CRTC1: variants seen among roughly 807,000 people sequenced by gnomAD.
CRTC1 encodes CREB regulated transcription coactivator 1, also known as CREB-regulated transcription coactivator 1.
A neutral mutation model predicts 66.1 loss-of-function variants in CRTC1; 18 were observed. The ratio of observed to expected loss-of-function variants is 0.27; its 90% CI spans 0.19 to 0.40. The LOEUF is 0.40. Ranked by LOEUF, CRTC1 falls within the 10% of genes least tolerant of loss-of-function variation. The pLI is 1.00. For synonymous variants in CRTC1, 416 were observed against 398.8 expected (o/e 1.04, Z -0.51); for missense variants, 669 against 887.9 (o/e 0.75, Z 3.13).
chr19:18,693,556 A>G (rs1266885636), intron 1 of CRTC1, among the ~76,000 whole-genome samples: 1 of 142,540 alleles, frequency 7.0e-6, no homozygotes, highest in Non-Finnish European at 1.5e-5. Flanking sequence ...ATCTCAGCTC[A>G]CTGCAAGCTC....
At chr19:18,739,494 G>A (rs914448415) in intron 1 of CRTC1, among the ~76,000 whole-genome samples, 6 of 152,336 alleles carry the variant, frequency 3.9e-5, no homozygotes, top group East Asian at 1.9e-4. Flanking sequence ...GTGCAGCAGC[G>A]TCCATTCATT....
intron 8 of CRTC1, among the ~76,000 whole-genome samples, chr19:18,763,930 A>G (rs773721630): frequency 6.6e-6 from 1 of 152,144 alleles, no homozygotes; most frequent in Non-Finnish European, 1.5e-5. Flanking sequence ...GTGTGCTCTG[A>G]GCAGGCTTCC....
chr19:18,762,756 C>A (rs1162062160), intron 8 of CRTC1, among the ~76,000 whole-genome samples: 1 of 152,236 alleles, frequency 6.6e-6, no homozygotes, highest in African/African-American at 2.4e-5. Context: ...AAAAGGAATT[C>A]AACAGCAAGG....
chr19:18,781,788 A>G lies in CRTC1; in HGVS notation c.*4406A>G, dbSNP rs528505603. 4.3e-6 allele frequency: 1 copy of G among 230,410 alleles called. No individual in the cohort carries two copies. The highest frequency in any genetic ancestry group is 2.2e-5 in the African/African-American group (1 of 45,246). The allele number at this position is 230,410 out of a possible 1,614,324, so 14.3% of individuals were successfully genotyped here. A position where few individuals can be genotyped will look rare whatever the true frequency, so the allele number is the denominator to read the frequency against. On this transcript the variant is annotated 3_prime_UTR_variant, in exon 14 of 14. Transcript: ENST00000321949. ...TGGCTCTGATGATTCCAGAGCCTGT[A>G]TCCACCTTCTGGGCTCCTGGCCAGC...
At position 18,743,010 on chromosome 19, in the gene CRTC1, T is replaced by A; in HGVS notation, c.227T>A (p.Met76Lys). Residue 76 changes from methionine (M) to lysine (K), a missense_variant, in exon 2 of 14, where the codon ATG (methionine) becomes AAG (lysine). Around this residue, in one of 8 missense-constraint regions of CRTC1, gnomAD observed 214 missense variants for 323.4 expected, o/e 0.66. Coordinates refer to ENST00000321949, the MANE Select transcript of CRTC1 (RefSeq NM_015321.3). ...PNVNQIGSGT[M>K]DLPFQTPFQS... ...GTGAACCAGATCGGGAGTGGCACCA[T>A]GGACCTGCCCTTCCAGGTGAGTGCC... 1.2e-6 allele frequency: 2 copies of A among 1,612,808 alleles called. No individual in the cohort carries two copies. The highest frequency in any genetic ancestry group is 2.7e-5 in the African/African-American group (2 of 75,026).
At chr19:18,736,150 C>T (rs1351416349) in intron 1 of CRTC1, among the ~76,000 whole-genome samples, 1 of 152,198 alleles carries the variant, frequency 6.6e-6, no homozygotes, top group Non-Finnish European at 1.5e-5. Flanking sequence ...TGGGGGTGTC[C>T]TTCAAGTCGG....
intron 1 of CRTC1, among the ~76,000 whole-genome samples, chr19:18,693,568 G>A (rs1044942599): frequency 3.4e-5 from 5 of 145,422 alleles, no homozygotes; most frequent in African/African-American, 1.0e-4. Flanking sequence ...TGCAAGCTCC[G>A]CCTCCTGGGT....
intron 11 of CRTC1, among the ~76,000 whole-genome samples, chr19:18,774,490 G>A (rs767965999): frequency 4.6e-5 from 7 of 152,088 alleles, no homozygotes; most frequent in Non-Finnish European, 1.0e-4. Flanking sequence ...CCTGTCAGGA[G>A]TCACCAAGTG....
At chr19:18,684,242 T>TG (rs758318909) in intron 1 of CRTC1, among the ~76,000 whole-genome samples, 39 of 151,858 alleles carry the variant, frequency 2.6e-4, no homozygotes, top group East Asian at 2.1e-3. Context: ...CATTGCTACC[T>TG]GGGGGGGCAG....
chr19:18,707,615 AT>A (rs36035346), intron 1 of CRTC1, among the ~76,000 whole-genome samples: 2 of 152,056 alleles, frequency 1.3e-5, no homozygotes, highest in Middle Eastern at 3.4e-3. Context: ...TTTAGGGTGG[AT>A]TTTTTTCTAT....
chr19:18,689,583 A>ATATATATATATATATATATATATATG (rs60084986), intron 1 of CRTC1, among the ~76,000 whole-genome samples: 693 of 65,062 alleles, frequency 0.011, 3 homozygotes, highest in East Asian at 0.013. Context: ...ATATATATAT[A>ATATATATATATATATATATATATATG]TATGTAATAT....
intron 1 of CRTC1, among the ~76,000 whole-genome samples, chr19:18,722,633 A>G (rs1024834728): frequency 6.6e-6 from 1 of 152,238 alleles, no homozygotes; most frequent in Non-Finnish European, 1.5e-5. Flanking sequence ...TGATGTTCAC[A>G]TAACATGAAA....
intron 1 of CRTC1, among the ~76,000 whole-genome samples, chr19:18,716,335 C>T (rs1274526871): frequency 6.6e-6 from 1 of 151,998 alleles, no homozygotes; most frequent in Non-Finnish European, 1.5e-5. Context: ...TCACTGCAGT[C>T]TCCACCTCCC....
chr19:18,703,396 T>G (rs531161248), intron 1 of CRTC1, among the ~76,000 whole-genome samples: 1 of 152,342 alleles, frequency 6.6e-6, no homozygotes, highest in East Asian at 1.9e-4. Flanking sequence ...ATTGCTCCTT[T>G]AAGCACCTTC....
At chr19:18,751,161 C>G (rs1600939032) in intron 5 of CRTC1, among the ~76,000 whole-genome samples, 2 of 152,206 alleles carry the variant, frequency 1.3e-5, no homozygotes, top group South Asian at 4.1e-4. Flanking sequence ...GTTGGCCTAT[C>G]TGGCTGTGCT....
chr19:18,760,270 G>GC lies in CRTC1; in HGVS notation c.886+42_886+43insC. ...CCGCCCTCGGACAGAGCACTGGCTT[G>GC]TGGAGACAACACGGGCATCTGCAGG... On this transcript the variant is annotated intron_variant, in intron 8 of 13. Coordinates refer to ENST00000321949, the MANE Select transcript of CRTC1 (RefSeq NM_015321.3). This position sits in a 1 kb window ranked among gnomAD's most constrained non-coding sequence, Gnocchi z 6.2. 6.8e-7 allele frequency: 1 copy of GC among 1,467,908 alleles called. No individual in the cohort carries two copies. The highest frequency in any genetic ancestry group is 9.3e-7 in the Non-Finnish European group (1 of 1,078,998). The allele number at this position is 1,467,908 out of a possible 1,614,324, so 90.9% of individuals were successfully genotyped here. A position where few individuals can be genotyped will look rare whatever the true frequency, so the allele number is the denominator to read the frequency against.
At chr19:18,696,751 A>T (rs2052998023) in intron 1 of CRTC1, among the ~76,000 whole-genome samples, 1 of 151,958 alleles carries the variant, frequency 6.6e-6, no homozygotes, top group African/African-American at 2.4e-5. Context: ...CTGCCTGGGA[A>T]TGGCCCCACC....
chr19:18,759,642 G>T, intron 7 of CRTC1, 51 bp downstream of exon 7: 1 of 1,577,960 alleles, frequency 6.3e-7, no homozygotes, highest in Non-Finnish European at 8.7e-7. Context: ...GCGCTGCTCC[G>T]TCCACCCTGG....
rs753656030 is a variant in CRTC1 at position 18,768,215 on chromosome 19, G to C, written c.1012-270G>C. On this transcript the variant is annotated intron_variant, in intron 9 of 13. Coordinates refer to ENST00000321949, the MANE Select transcript of CRTC1 (RefSeq NM_015321.3). The surrounding 1 kb of genome is among the most constrained non-coding windows in gnomAD (Gnocchi z 5.6). ...TGCCCTGCAGCTGGTGGACTGGCCT[G>C]AGCTGCACGGCATGTAGTGCGGGTG... Among the ~76,000 whole-genome samples, 47 of 152,326 alleles carry C rather than the reference G, an allele frequency of 3.1e-4. No individual in the cohort carries two copies. The highest frequency in any genetic ancestry group is 6.8e-3 in the Middle Eastern group (2 of 294).
Sources: allele counts gnomAD v4.1 joint callset (sites outside exome capture counted in the v4.1 genomes callset), GRCh38; gene constraint gnomAD v4.1.1; regional missense constraint gnomAD v4.1.1; non-coding constraint Gnocchi (gnomAD v3.1); transcripts MANE v1.5; gene names NCBI Gene and HGNC (gene_info 2026-07-23, HGNC 2026-07-21).